Variants in NAALADL2 observed in about 807,000 individuals in gnomAD.
NAALADL2 encodes the protein N-acetylated alpha-linked acidic dipeptidase like 2, also known as inactive N-acetylated-alpha-linked acidic dipeptidase-like protein 2.
A neutral mutation model predicts 87.2 loss-of-function variants in NAALADL2; 76 were observed. That is an observed-to-expected ratio of 0.87 (90% confidence interval 0.72 to 1.05). NAALADL2 has a LOEUF of 1.05. Ranked by LOEUF, NAALADL2 falls within the 50% of genes least tolerant of loss-of-function variation. The probability of loss-of-function intolerance (pLI) is 0.00; values close to 1 mark genes in which losing one functional copy is unlikely to be tolerated. For missense variants in NAALADL2, 1,089 were observed against 945.8 expected, an observed-to-expected ratio of 1.15 and a Z score of -1.99; for synonymous variants, 354 against 331.0, an observed-to-expected ratio of 1.07 and a Z score of -0.75.
Position 175,637,852 on chromosome 3 carries a change from G to T in NAALADL2, c.1896+10466G>T, listed in dbSNP as rs114889514. Reference sequence around the variant, plus strand: ...ACACTTTTGGTTAGGTGCTTGAAATGGTAGTAATAATGGATTTTATGGACC... The same window carrying T: ...ACACTTTTGGTTAGGTGCTTGAAATTGTAGTAATAATGGATTTTATGGACC... On this transcript the variant is annotated intron_variant, in intron 11 of 13. Transcript: ENST00000454872. Among the ~76,000 whole-genome samples, 1,008 of 152,274 alleles carry T rather than the reference G, an allele frequency of 6.6e-3. 9 individuals are homozygous for T. Among genetic ancestry groups the T allele is most frequent in the African/African-American group, 0.023 (967 of 41,556 alleles).
rs192761254 is a variant in NAALADL2 at position 175,743,416 on chromosome 3, C to T, written c.1990+6017C>T. 5.6e-3 allele frequency among the ~76,000 whole-genome samples: 858 copies of T among 152,234 alleles called. 9 individuals carry two copies. Among genetic ancestry groups the T allele is most frequent in the African/African-American group, 0.02 (816 of 41,536 alleles). On this transcript the variant is annotated intron_variant, in intron 12 of 13. Transcript: ENST00000454872. The stretch of plus-strand genomic sequence containing the variant: ...GGTGCCATATTTTGGGATAGGGTGT[C>T]CTGAACCCCATCACAGGCATAGAAC...
chr3:175,355,749 C>T (rs953351568), intron 5 of NAALADL2, among the ~76,000 whole-genome samples: 1 of 152,114 alleles, frequency 6.6e-6, no homozygotes, highest in Non-Finnish European at 1.5e-5. Flanking sequence ...AACATACTGC[C>T]TTGCTTCCAA....
In NAALADL2 at chr3:175,300,494, C is replaced by T. The variant is rs185637637; in HGVS notation, c.940-23681C>T. On this transcript the variant is annotated intron_variant, in intron 4 of 13. Coordinates refer to ENST00000454872, the MANE Select transcript of NAALADL2 (RefSeq NM_207015.3). ...GTTATTGGTCTATTCAGTGATTCAA[C>T]TTCTTCCTGGTTTAGTCTTGGGAGG... is the stretch of plus-strand genomic sequence containing the variant. 7.2e-5 allele frequency among the ~76,000 whole-genome samples: 11 copies of T among 152,184 alleles called. No homozygotes were observed. In the Middle Eastern group the frequency reaches 0.01, roughly 141 times the overall value.
chr3:175,234,490 C>G (rs1366162338), intron 3 of NAALADL2, among the ~76,000 whole-genome samples: 1 of 152,122 alleles, frequency 6.6e-6, no homozygotes, highest in African/African-American at 2.4e-5. Flanking sequence ...CTATTTCATT[C>G]TACAGCTTTG....
At chr3:175,089,557 A>G (rs1719684647) in intron 1 of NAALADL2, among the ~76,000 whole-genome samples, 1 of 152,314 alleles carries the variant, frequency 6.6e-6, no homozygotes, top group Admixed American at 6.5e-5. Flanking sequence ...ACCTAACTTT[A>G]TAGTAATTCT....
chr3:174,956,398 A>G (rs1162412097), intron 1 of NAALADL2, among the ~76,000 whole-genome samples: 4 of 152,238 alleles, frequency 2.6e-5, no homozygotes, highest in African/African-American at 9.6e-5. Flanking sequence ...TATCTATGAG[A>G]GGCAGAGTCC....
intron 2 of NAALADL2, among the ~76,000 whole-genome samples, chr3:175,146,863 C>T (rs566592727): frequency 5.9e-4 from 89 of 151,876 alleles, no homozygotes; most frequent in Non-Finnish European, 1.0e-3. Context: ...AATTTACTAA[C>T]GTCATTCAGG....
At chr3:175,696,735 C>A (rs1305807187) in intron 11 of NAALADL2, among the ~76,000 whole-genome samples, 1 of 152,056 alleles carries the variant, frequency 6.6e-6, no homozygotes, top group Non-Finnish European at 1.5e-5. Flanking sequence ...ATACCACAGA[C>A]CAGGTAATTT....
intron 9 of NAALADL2, among the ~76,000 whole-genome samples, chr3:175,472,973 C>T (rs1204311578): frequency 6.6e-6 from 1 of 152,036 alleles, no homozygotes; most frequent in Non-Finnish European, 1.5e-5. Flanking sequence ...AAATAGTGAT[C>T]TCAAGTATCC....
At chr3:175,565,835 T>TCC in intron 9 of NAALADL2, among the ~76,000 whole-genome samples, 3 of 133,424 alleles carry the variant, frequency 2.2e-5, no homozygotes, top group Non-Finnish European at 4.8e-5. Context: ...CCCCCTTTTT[T>TCC]TTTTTTTTTT....
intron 10 of NAALADL2, among the ~76,000 whole-genome samples, chr3:175,580,443 C>T (rs976002090): frequency 4.6e-5 from 7 of 152,198 alleles, no homozygotes; most frequent in African/African-American, 9.6e-5. Context: ...CATTACATTT[C>T]AGTCTTTCAT....
chr3:174,458,163 T>C (rs1715976478), intron 1 of NAALADL2, among the ~76,000 whole-genome samples: 1 of 152,342 alleles, frequency 6.6e-6, no homozygotes, highest in Non-Finnish European at 1.5e-5. Flanking sequence ...TTTTTTAATT[T>C]ATAAAGTATT....
chr3:175,118,796 C>G (rs2108548172), intron 2 of NAALADL2, among the ~76,000 whole-genome samples: 1 of 151,878 alleles, frequency 6.6e-6, no homozygotes, highest in East Asian at 1.9e-4. Flanking sequence ...GCCCATTTAT[C>G]TCCTAAGCTT....
chr3:174,608,181 A>C (rs902432110), intron 2 of NAALADL2, among the ~76,000 whole-genome samples: 2 of 151,872 alleles, frequency 1.3e-5, no homozygotes, highest in Non-Finnish European at 2.9e-5. Flanking sequence ...GTAGAGGGAA[A>C]TTTATAGCAC....
At chr3:175,762,382 T>C (rs1168059093) in intron 13 of NAALADL2, among the ~76,000 whole-genome samples, 1 of 152,114 alleles carries the variant, frequency 6.6e-6, no homozygotes, top group East Asian at 1.9e-4. Context: ...AATGATATTA[T>C]AGGAGAGCAC....
At chr3:175,137,155 CAAT>C (rs1729229852) in intron 2 of NAALADL2, among the ~76,000 whole-genome samples, 1 of 151,944 alleles carries the variant, frequency 6.6e-6, no homozygotes, top group South Asian at 2.1e-4. Flanking sequence ...TCTCATTACA[CAAT>C]AATAATCTCC....
At chr3:174,894,515 A>C (rs1180510991) in intron 1 of NAALADL2, among the ~76,000 whole-genome samples, 1 of 145,412 alleles carries the variant, frequency 6.9e-6, no homozygotes, top group Non-Finnish European at 1.5e-5. Flanking sequence ...GATCGCTTGG[A>C]CCTGGGAGGC....
At chr3:175,273,915 T>C (rs1753215966) in intron 4 of NAALADL2, among the ~76,000 whole-genome samples, 1 of 152,160 alleles carries the variant, frequency 6.6e-6, no homozygotes, top group Non-Finnish European at 1.5e-5. Context: ...TTAAAATCGT[T>C]AAGTTTCTTA....
intron 11 of NAALADL2, among the ~76,000 whole-genome samples, chr3:175,730,110 C>T (rs1743473203): frequency 6.6e-6 from 1 of 151,890 alleles, no homozygotes; most frequent in Non-Finnish European, 1.5e-5. Context: ...GCATTGTCCA[C>T]TCAATATATG....
Sources: gnomAD v4.1 joint callset for allele counts (sites outside exome capture counted in the v4.1 genomes callset) on GRCh38, gnomAD v4.1.1 for gene constraint, MANE v1.5 for transcripts, NCBI Gene and HGNC (gene_info 2026-07-23, HGNC 2026-07-21) for gene names.